The following FAM178B variants were observed in gnomAD, a reference collection of about 807,000 sequenced individuals.
The protein encoded by FAM178B is family with sequence similarity 178 member B, also known as protein FAM178B.
FAM178B carries 82 observed loss-of-function variants against 91.7 expected under a neutral mutation model. That is an observed-to-expected ratio of 0.89 (90% confidence interval 0.75 to 1.07). The LOEUF (loss-of-function observed/expected upper bound fraction) is 1.07. FAM178B is among the 50% of genes least tolerant of loss of function. FAM178B has a pLI of 0.00. For synonymous variants in FAM178B, 368 were observed against 359.4 expected (o/e 1.02, Z -0.27); for missense variants, 769 against 846.7 (o/e 0.91, Z 1.14).
Position 96,876,321 on chromosome 2 carries a change from G to A in FAM178B, c.2008-13C>T. ...TGAAATACTGGGCCTGCGGCGAGGA[G>A]AAAAGCAGGCTGTGAGGGCCTGGGC... On this transcript the variant is annotated splice_polypyrimidine_tract_variant and intron_variant, in intron 16 of 16. Transcript: ENST00000490605. 6.3e-7 allele frequency: 1 copy of A among 1,596,860 alleles called. No individual in the cohort carries two copies. Among genetic ancestry groups the A allele is most frequent in the Non-Finnish European group, 8.5e-7 (1 of 1,173,164 alleles).
At chr2:96,953,055 A>G (rs1044474448) in intron 6 of FAM178B, among the ~76,000 whole-genome samples, 1 of 152,216 alleles carries the variant, frequency 6.6e-6, no homozygotes, top group Non-Finnish European at 1.5e-5. Context: ...ATGTCCAGGC[A>G]GTTTACAAAT....
At chr2:96,941,271 A>G (rs534434993) in intron 8 of FAM178B, among the ~76,000 whole-genome samples, 102 of 152,342 alleles carry the variant, frequency 6.7e-4, no homozygotes, top group African/African-American at 2.3e-3. Context: ...TGGTACAGAG[A>G]GTAGTTTAAA....
Position 96,923,554 on chromosome 2 carries a change from T to A in FAM178B, c.1223A>T (p.Glu408Val). ...TTGGGGAGCGTCCTGCTCCTCATTC[T>A]CATTCAGGCCAGCCTCGCCTGGAAG... is the stretch of plus-strand genomic sequence containing the variant. Reference protein sequence around the residue: ...RVLPGEAGLNENEEQDAPQEI... With the variant: ...RVLPGEAGLNVNEEQDAPQEI... The change falls in exon 10 of 17, where the codon GAG (glutamate) becomes GTG (valine). Residue 408 changes from glutamate (E) to valine (V), a missense_variant. Physicochemically the swap from Glu to Val is moderately radical, Grantham distance 121. Transcript: ENST00000490605. 6.4e-7 allele frequency: 1 copy of A among 1,551,716 alleles called. No homozygotes were observed. The highest frequency in any genetic ancestry group is 8.7e-7 in the Non-Finnish European group (1 of 1,146,978).
At position 96,986,484 on chromosome 2, in the gene FAM178B, T is replaced by A; in HGVS notation, c.-171A>T. The A allele has an allele frequency of 2.7e-6, 2 of 746,130 alleles. No individual in the cohort carries two copies. Among genetic ancestry groups the A allele is most frequent in the Non-Finnish European group, 4.2e-6 (2 of 477,848 alleles). 46.2% of individuals were successfully genotyped at this position (746,130 alleles called of 1,614,324 possible). ...GATCCAGGGCCGCCAACGTGGAACC[T>A]AAAGATCCAGTTCTGGGGATTGAGT... is the stretch of plus-strand genomic sequence containing the variant. On this transcript the variant is annotated 5_prime_UTR_variant, in exon 1 of 17. Transcript: ENST00000490605.
At chr2:96,969,595 G>A (rs572937662) in intron 4 of FAM178B, among the ~76,000 whole-genome samples, 1 of 152,350 alleles carries the variant, frequency 6.6e-6, no homozygotes, top group East Asian at 1.9e-4. Context: ...GTCACGAGGA[G>A]GCCCCAGCTG....
intron 4 of FAM178B, 55 bp downstream of exon 4, chr2:96,970,661 T>G: frequency 7.2e-7 from 1 of 1,382,182 alleles, no homozygotes; most frequent in South Asian, 1.2e-5. Context: ...GTCCCGGGAC[T>G]GCTGCCAACC....
chr2:96,940,354 CAG>C (rs1343896088), intron 8 of FAM178B, among the ~76,000 whole-genome samples: 1 of 152,224 alleles, frequency 6.6e-6, no homozygotes, highest in Non-Finnish European at 1.5e-5. Flanking sequence ...GCCTCCACTC[CAG>C]GGGCTCTGAC....
At chr2:96,973,233 C>T (rs2082247731) in intron 1 of FAM178B, among the ~76,000 whole-genome samples, 1 of 150,030 alleles carries the variant, frequency 6.7e-6, no homozygotes, top group South Asian at 2.1e-4. Context: ...AAAACCAAAA[C>T]AAAACCAGCA....
chr2:96,880,697 C>A (rs1484721412), intron 14 of FAM178B, among the ~76,000 whole-genome samples: 1 of 152,164 alleles, frequency 6.6e-6, no homozygotes, highest in African/African-American at 2.4e-5. Flanking sequence ...CGGGCTCACG[C>A]CGTTGTCCTG....
intron 1 of FAM178B, among the ~76,000 whole-genome samples, chr2:96,975,981 A>C (rs1035219429): frequency 6.6e-6 from 1 of 152,220 alleles, no homozygotes; most frequent in African/African-American, 2.4e-5. Context: ...ATTGAACAAC[A>C]CTATAAACCA....
At chr2:96,884,653 C>T (rs1309169744) in intron 14 of FAM178B, among the ~76,000 whole-genome samples, 10 of 152,214 alleles carry the variant, frequency 6.6e-5, no homozygotes, top group Non-Finnish European at 1.5e-5. Flanking sequence ...TACGTGCCTT[C>T]TGAGCCCCAG....
At chr2:96,921,394 C>CCA in intron 11 of FAM178B, 84 bp downstream of exon 11, 1 of 1,516,082 alleles carries the variant, frequency 6.6e-7, no homozygotes, top group South Asian at 1.2e-5. Flanking sequence ...CCAGGCAGTG[C>CCA]CATCCCCACC....
At position 96,972,369 on chromosome 2, in the gene FAM178B, G is replaced by C. The variant is rs956512374; in HGVS notation, c.143-47C>G. On this transcript the variant is annotated intron_variant, in intron 2 of 16. Transcript: ENST00000490605. ...GTGGTCCCTCTGCCCACCTGCCACT[G>C]TCCCAGACGTCAAGCCACACTGGGT... The C allele has an allele frequency of 7.5e-6, 11 of 1,470,126 alleles. No homozygotes were observed. In the African/African-American group the frequency reaches 1.4e-4, roughly 19 times the overall value. 91.1% of individuals were successfully genotyped at this position (1,470,126 alleles called of 1,614,324 possible). A position where few individuals can be genotyped will look rare whatever the true frequency, so the allele number is the denominator to read the frequency against.
At chr2:96,932,157 C>G (rs541796128) in intron 8 of FAM178B, among the ~76,000 whole-genome samples, 2 of 152,272 alleles carry the variant, frequency 1.3e-5, no homozygotes, top group African/African-American at 4.8e-5. Context: ...AGGTTGTGCC[C>G]GCCTCCCCTT....
chr2:96,961,312 GGTGTGTGTGTGTGT>G (rs70964889), intron 5 of FAM178B, among the ~76,000 whole-genome samples: 1 of 146,756 alleles, frequency 6.8e-6, no homozygotes, highest in Admixed American at 6.7e-5. Flanking sequence ...AGCAGCAGAG[GGTGTGTGTGTGTGT>G]GTGTGTGTGT....
intron 8 of FAM178B, among the ~76,000 whole-genome samples, chr2:96,934,631 G>A (rs775890820): frequency 6.6e-6 from 1 of 152,264 alleles, no homozygotes; most frequent in East Asian, 1.9e-4. Flanking sequence ...GCAGACCGGC[G>A]TTCTCCCAAA....
chr2:96,986,571 G>A lies in FAM178B; in HGVS notation c.-258C>T, dbSNP rs1320460179. 6 of 489,746 alleles carry A rather than the reference G, an allele frequency of 1.2e-5. No homozygotes were observed. The highest frequency in any genetic ancestry group is 1.1e-4 in the Admixed American group (3 of 28,178). 30.3% of individuals were successfully genotyped at this position (489,746 alleles called of 1,614,324 possible). A position where few individuals can be genotyped will look rare whatever the true frequency, so the allele number is the denominator to read the frequency against. ...GCCGCCGCCAGCTGGGGAGCTCGCC[G>A]GCCAAGTGCGCACCCTCTTCCTGTT... On this transcript the variant is annotated 5_prime_UTR_variant, in exon 1 of 17. Transcript: ENST00000490605.
At chr2:96,908,415 T>C (rs1574230689) in intron 12 of FAM178B, among the ~76,000 whole-genome samples, 1 of 152,082 alleles carries the variant, frequency 6.6e-6, no homozygotes, top group Non-Finnish European at 1.5e-5. Flanking sequence ...ACAGGCAAAA[T>C]TGGGCTAGGC....
At chr2:96,920,121 A>G (rs2081309097) in intron 12 of FAM178B, among the ~76,000 whole-genome samples, 1 of 152,144 alleles carries the variant, frequency 6.6e-6, no homozygotes, top group East Asian at 1.9e-4. Context: ...CAGAAAGAGA[A>G]GGGAAGAGGG....
Sources: allele counts gnomAD v4.1 joint callset (sites outside exome capture counted in the v4.1 genomes callset), GRCh38; gene constraint gnomAD v4.1.1; transcripts MANE v1.5; gene names NCBI Gene and HGNC (gene_info 2026-07-23, HGNC 2026-07-21).